Variants in NSMAF observed in about 807,000 individuals in gnomAD.
NSMAF encodes the protein neutral sphingomyelinase activation associated factor, also known as protein FAN.
A neutral mutation model predicts 134.9 loss-of-function variants in NSMAF; 90 were observed. The observed-to-expected ratio is 0.67, with a 90% confidence interval of 0.56 to 0.79. The LOEUF is 0.79. Among genes scored for constraint, NSMAF ranks in the 30% least tolerant of loss-of-function variants. NSMAF has a pLI of 0.00. For synonymous variants in NSMAF, 358 were observed against 389.6 expected, an observed-to-expected ratio of 0.92 and a Z score of 0.96; for missense variants, 1,010 against 1,119.0, an observed-to-expected ratio of 0.90 and a Z score of 1.39.
chr8:58,659,204 C>A (rs1461605015), intron 1 of NSMAF: 7 of 1,453,358 alleles, frequency 4.8e-6, no homozygotes, highest in Admixed American at 2.5e-5. Flanking sequence ...CCCTCCCCTG[C>A]GAACGCCCGG....
At chr8:58,617,073 T>A (rs992461232) in intron 9 of NSMAF, among the ~76,000 whole-genome samples, 4 of 152,336 alleles carry the variant, frequency 2.6e-5, no homozygotes, top group Non-Finnish European at 5.9e-5. Flanking sequence ...TACTATCTTT[T>A]GGTCTGTTCT....
At chr8:58,613,863 C>T (rs916130250) in intron 9 of NSMAF, among the ~76,000 whole-genome samples, 56 of 152,198 alleles carry the variant, frequency 3.7e-4, no homozygotes, top group African/African-American at 1.3e-3. Context: ...GAAATCTGAA[C>T]TGCTCCAATG....
chr8:58,588,624 G>A (rs555353019), intron 26 of NSMAF: 49 of 1,485,570 alleles, frequency 3.3e-5, no homozygotes, highest in South Asian at 2.5e-4. Flanking sequence ...TGACTGCTGC[G>A]GCCTCCACTA....
intron 20 of NSMAF, 28 bp downstream of exon 20, chr8:58,597,832 T>C (rs756642981): frequency 6.8e-7 from 1 of 1,475,056 alleles, no homozygotes; most frequent in Non-Finnish European, 9.4e-7. Context: ...ATAACTCAAG[T>C]AGAAACTCCT....
intron 11 of NSMAF, among the ~76,000 whole-genome samples, chr8:58,607,281 G>A (rs1306760980): frequency 6.6e-6 from 1 of 152,224 alleles, no homozygotes; most frequent in African/African-American, 2.4e-5. Flanking sequence ...AATGGTGGAA[G>A]GAACTGCCTA....
At chr8:58,648,861 C>A (rs577446510) in intron 1 of NSMAF, among the ~76,000 whole-genome samples, 1 of 152,352 alleles carries the variant, frequency 6.6e-6, no homozygotes, top group South Asian at 2.1e-4. Context: ...CGGGCAGAAG[C>A]CTGCTACAAG....
At position 58,590,025 on chromosome 8, in the gene NSMAF, G is replaced by T. The variant is rs1162131306; in HGVS notation, c.2069C>A (p.Ser690Tyr). ...LLPGDATVIT[S>Y]SWDNNVYFYS... Reference sequence around the variant, plus strand: ...TACATACACATTATTATCCCATGAAGAAGTTATGACAGTGGCATCTCCTGG... The same window carrying T: ...TACATACACATTATTATCCCATGAATAAGTTATGACAGTGGCATCTCCTGG... The change falls in exon 25 of 31, where the codon TCT becomes TAT. Residue 690 changes from serine to tyrosine, a missense_variant. Physicochemically the swap from Ser to Tyr is moderately radical, Grantham distance 144 (BLOSUM62 -2). Transcript: ENST00000038176. 1.2e-6 allele frequency: 2 copies of T among 1,613,760 alleles called. No individual in the cohort carries two copies. Among genetic ancestry groups the T allele is most frequent in the Non-Finnish European group, 1.7e-6 (2 of 1,179,772 alleles).
chr8:58,658,314 C>G (rs1474631796), intron 1 of NSMAF, among the ~76,000 whole-genome samples: 1 of 152,190 alleles, frequency 6.6e-6, no homozygotes, highest in Non-Finnish European at 1.5e-5. Flanking sequence ...AATAAACAAC[C>G]CTTTCTGTGA....
In NSMAF at chr8:58,635,328, A is replaced by C. The variant is rs202127431; in HGVS notation, c.273T>G (p.Asn91Lys). ...ACTTTGTGAAGTGTCTATTGGCTCC[A>C]TTTTCTCCATGCTTTCCTATTTTTA... ...DCIKIGKHGENGANRHFTKAK... is the reference protein window; with the variant it reads ...DCIKIGKHGEKGANRHFTKAK... Residue 91 changes from asparagine to lysine, a missense_variant, in exon 4 of 31, where the codon AAT becomes AAG. Asn to Lys is a moderately conservative substitution (Grantham distance 94). Transcript: ENST00000038176. The C allele has an allele frequency of 1.2e-6, 2 of 1,609,946 alleles. No homozygotes were observed. Among genetic ancestry groups the C allele is most frequent in the African/African-American group, 1.3e-5 (1 of 74,778 alleles).
intron 5 of NSMAF, among the ~76,000 whole-genome samples, chr8:58,634,720 A>G (rs1406711172): frequency 2.6e-5 from 4 of 152,218 alleles, no homozygotes; most frequent in Admixed American, 6.5e-5. Flanking sequence ...TCATGCCTAT[A>G]TTGAGTGCAG....
intron 6 of NSMAF, among the ~76,000 whole-genome samples, chr8:58,626,059 C>T (rs1481866810): frequency 1.4e-5 from 2 of 146,784 alleles, no homozygotes; most frequent in African/African-American, 2.5e-5. Flanking sequence ...CCCCATCCTT[C>T]CCCCTAAGCC....
At position 58,643,534 on chromosome 8, in the gene NSMAF, CTT is replaced by C. The variant is rs71767302; in HGVS notation, c.60-463_60-462del. Among the ~76,000 whole-genome samples the C allele has an allele frequency of 6.8e-4, 96 of 140,942 alleles. 1 individual carries two copies. Among genetic ancestry groups the C allele is most frequent in the Non-Finnish European group, 5.8e-4 (38 of 65,022 alleles). 92.5% of individuals were successfully genotyped at this position (140,942 alleles called of 152,430 possible). ...AGAACACATGCCTCTAGGGACAGAT[CTT>C]TTTTTTTTTTTTTGGGACGGAGTTT... On this transcript the variant is annotated intron_variant, in intron 1 of 30. Transcript: ENST00000038176.
At position 58,583,969 on chromosome 8, in the gene NSMAF, A is replaced by C. The variant is rs1805826589; in HGVS notation, c.*137T>G. On this transcript the variant is annotated 3_prime_UTR_variant, in exon 31 of 31. Coordinates refer to ENST00000038176, the MANE Select transcript of NSMAF (RefSeq NM_003580.4). ...TTTCAATGAAGTCACCATGATTTAG[A>C]AAGTTTAAAACCACAAATTTTCCAT... 6 of 703,068 alleles carry C rather than the reference A, an allele frequency of 8.5e-6. No homozygotes were observed. In the Admixed American group the frequency reaches 1.4e-4, roughly 17 times the overall value. 43.6% of individuals were successfully genotyped at this position (703,068 alleles called of 1,614,324 possible). A position where few individuals can be genotyped will look rare whatever the true frequency, so the allele number is the denominator to read the frequency against.
chr8:58,643,534 C>CT (rs71767302), intron 1 of NSMAF, among the ~76,000 whole-genome samples: 103 of 140,996 alleles, frequency 7.3e-4, no homozygotes, highest in Middle Eastern at 3.6e-3. Flanking sequence ...AGGGACAGAT[C>CT]TTTTTTTTTT....
rs1235304094 is a variant in NSMAF, at chr8:58,659,705, C to A, written c.-74G>T. On this transcript the variant is annotated 5_prime_UTR_variant, in exon 1 of 31. Transcript: ENST00000038176. ...CGCCTGCCGAGGAGGTCCGGAGGAG[C>A]CGGGGAGGGCGGGATTGGTGGCCGG... 2 of 1,222,506 alleles carry A rather than the reference C, an allele frequency of 1.6e-6. No homozygotes were observed. Among genetic ancestry groups the A allele is most frequent in the Non-Finnish European group, 2.1e-6 (2 of 949,642 alleles). The allele number at this position is 1,222,506 out of a possible 1,614,324, so 75.7% of individuals were successfully genotyped here.
chr8:58,647,687 C>G (rs1807490029), intron 1 of NSMAF, among the ~76,000 whole-genome samples: 1 of 152,198 alleles, frequency 6.6e-6, no homozygotes. Context: ...TACACCTGCT[C>G]CCACTCACTT....
chr8:58,628,788 A>T lies in NSMAF; in HGVS notation c.384+2708T>A, dbSNP rs188479739. ...TATCTCTCCATTTTTTTCAAGGACA[A>T]TTTGCCAGATACAGTGTTCTTTGTT... On this transcript the variant is annotated intron_variant, in intron 6 of 30. Transcript: ENST00000038176. Among the ~76,000 whole-genome samples, 3 of 152,212 alleles carry T rather than the reference A, an allele frequency of 2.0e-5. No individual in the cohort carries two copies. In the East Asian group the frequency reaches 5.8e-4, roughly 29 times the overall value.
chr8:58,594,576 TCTCC>T, intron 22 of NSMAF: 1 of 417,320 alleles, frequency 2.4e-6, no homozygotes, highest in Non-Finnish European at 4.3e-6. Context: ...GGAAAACTCT[TCTCC>T]TTCTATTCCC....
At position 58,614,154 on chromosome 8, in the gene NSMAF, A is replaced by C. The variant is rs143614595; in HGVS notation, c.558-4421T>G. ...AACATATGAGGCGGGAAATTAAAGA[A>C]AAATAAAATTAAAAAGAAAGAGAAA... On this transcript the variant is annotated intron_variant, in intron 9 of 30. Transcript: ENST00000038176. Among the ~76,000 whole-genome samples the C allele has an allele frequency of 2.3e-3, 346 of 152,326 alleles. 4 individuals carry two copies. Among genetic ancestry groups the C allele is most frequent in the African/African-American group, 7.7e-3 (322 of 41,570 alleles).
Sources: allele counts gnomAD v4.1 joint callset (sites outside exome capture counted in the v4.1 genomes callset), GRCh38; gene constraint gnomAD v4.1.1; transcripts MANE v1.5; gene names NCBI Gene and HGNC (gene_info 2026-07-23, HGNC 2026-07-21).